The following COL26A1 variants were observed in gnomAD, a reference collection of about 807,000 sequenced individuals.
COL26A1 encodes collagen alpha-1(XXVI) chain.
Under a neutral mutation model 59.3 loss-of-function variants are expected in COL26A1, and 41 were observed. The ratio of observed to expected loss-of-function variants is 0.69; its 90% CI spans 0.54 to 0.90. The LOEUF (loss-of-function observed/expected upper bound fraction) is 0.90. Among genes scored for constraint, COL26A1 ranks in the 40% least tolerant of loss-of-function variants. The probability of loss-of-function intolerance (pLI) is 0.00; values close to 1 mark genes in which losing one functional copy is unlikely to be tolerated. For missense variants in COL26A1, 612 were observed against 602.3 expected (o/e 1.02, Z -0.17); for synonymous variants, 266 against 256.0 (o/e 1.04, Z -0.37).
chr7:101,519,607 CT>C (rs1326049855), intron 3 of COL26A1, among the ~76,000 whole-genome samples: 1 of 152,182 alleles, frequency 6.6e-6, no homozygotes, highest in East Asian at 1.9e-4. Context: ...CTGGGGGACA[CT>C]GAACAGGGAG....
At chr7:101,402,715 CTCTT>C (rs1219337555) in intron 1 of COL26A1, among the ~76,000 whole-genome samples, 1 of 109,186 alleles carries the variant, frequency 9.2e-6, no homozygotes, top group African/African-American at 3.8e-5. Flanking sequence ...ATTTCTTTCT[CTCTT>C]TCTCTCCTTC....
intron 1 of COL26A1, among the ~76,000 whole-genome samples, chr7:101,387,630 G>GCTCTCTCTCTCGCTCT (rs1791609152): frequency 7.6e-6 from 1 of 132,424 alleles, no homozygotes; most frequent in African/African-American, 2.8e-5. Context: ...TCTCTCTCTC[G>GCTCTCTCTCTCGCTCT]CTCTCTCTCT....
At chr7:101,387,778 A>ATATATTTTTTTTTTTTTTTTTT (rs773025730) in intron 1 of COL26A1, among the ~76,000 whole-genome samples, 1 of 84,836 alleles carries the variant, frequency 1.2e-5, no homozygotes, top group African/African-American at 5.0e-5. Context: ...ATATATATAT[A>ATATATTTTTTTTTTTTTTTTTT]TTTTTTTTTA....
chr7:101,372,530 G>A (rs1014828376), intron 1 of COL26A1, among the ~76,000 whole-genome samples: 16 of 152,184 alleles, frequency 1.1e-4, no homozygotes, highest in African/African-American at 3.9e-4. Context: ...AGTGGATAGA[G>A]ACTAAATGTT....
At chr7:101,440,346 A>T (rs1793025775) in intron 2 of COL26A1, among the ~76,000 whole-genome samples, 1 of 152,154 alleles carries the variant, frequency 6.6e-6, no homozygotes, top group South Asian at 2.1e-4. Context: ...AGCCGGGGCA[A>T]CAGAGCGAGA....
intron 3 of COL26A1, among the ~76,000 whole-genome samples, chr7:101,454,264 C>CTT (rs1366865509): frequency 7.9e-6 from 1 of 126,868 alleles, no homozygotes; most frequent in Non-Finnish European, 1.7e-5. Flanking sequence ...CTTTTCTTTT[C>CTT]TTTCTTTTTT....
intron 4 of COL26A1, among the ~76,000 whole-genome samples, chr7:101,538,983 C>T (rs879889529): frequency 6.6e-6 from 1 of 152,238 alleles, no homozygotes; most frequent in East Asian, 1.9e-4. Flanking sequence ...TGGCACACAG[C>T]GCCCCCTGCT....
intron 1 of COL26A1, among the ~76,000 whole-genome samples, chr7:101,390,155 T>TG (rs1791692747): frequency 4.4e-5 from 5 of 113,236 alleles, no homozygotes; most frequent in African/African-American, 1.8e-4. Flanking sequence ...AGGGTTTTTT[T>TG]TTTTTTTTTT....
intron 1 of COL26A1, among the ~76,000 whole-genome samples, chr7:101,363,991 C>T (rs1790978418): frequency 1.3e-5 from 2 of 152,180 alleles, no homozygotes; most frequent in Non-Finnish European, 2.9e-5. Context: ...GACTCCCCAG[C>T]CACCCCGGGA....
At chr7:101,446,018 A>G (rs936962443) in intron 2 of COL26A1, among the ~76,000 whole-genome samples, 3 of 136,750 alleles carry the variant, frequency 2.2e-5, no homozygotes, top group Admixed American at 8.0e-5. Flanking sequence ...ACTGAATTCC[A>G]GCCTGATGAC....
rs553159650 is a variant in COL26A1 at position 101,557,607 on chromosome 7, G to C, written c.*77G>C. 202 of 1,434,796 alleles carry C rather than the reference G, an allele frequency of 1.4e-4. 1 individual carries two copies. The African/African-American group carries it at 2.6e-3, about 18-fold the overall frequency. 88.9% of individuals were successfully genotyped at this position (1,434,796 alleles called of 1,614,324 possible). A position where few individuals can be genotyped will look rare whatever the true frequency, so the allele number is the denominator to read the frequency against. On this transcript the variant is annotated 3_prime_UTR_variant, in exon 13 of 13. Coordinates refer to ENST00000313669, the MANE Select transcript of COL26A1 (RefSeq NM_001278563.3). ...GCCTGAGCCGCCGCTGTTTCCTAAAGATGCCCCCAGGGGAACTGGGCTCCA... is the reference window on the plus strand; with the variant it reads ...GCCTGAGCCGCCGCTGTTTCCTAAACATGCCCCCAGGGGAACTGGGCTCCA...
At chr7:101,511,981 A>C (rs1377428307) in intron 3 of COL26A1, among the ~76,000 whole-genome samples, 2 of 152,168 alleles carry the variant, frequency 1.3e-5, no homozygotes, top group African/African-American at 4.8e-5. Flanking sequence ...TGGGCAACAG[A>C]GTGAGACCCT....
At chr7:101,424,564 C>T (rs1792599697) in intron 2 of COL26A1, among the ~76,000 whole-genome samples, 1 of 152,170 alleles carries the variant, frequency 6.6e-6, no homozygotes. Flanking sequence ...TGTTGCTGTA[C>T]TCCAGCCTGG....
At chr7:101,385,586 G>A (rs925371583) in intron 1 of COL26A1, among the ~76,000 whole-genome samples, 1 of 151,940 alleles carries the variant, frequency 6.6e-6, no homozygotes, top group Non-Finnish European at 1.5e-5. Context: ...GGCCAGGCTG[G>A]TCTCGAACTC....
intron 1 of COL26A1, among the ~76,000 whole-genome samples, chr7:101,394,869 CTTTTTTTTTT>C (rs61005447): frequency 1.9e-4 from 18 of 97,042 alleles, no homozygotes; most frequent in African/African-American, 3.4e-4. Context: ...TTTTTCTTTT[CTTTTTTTTTT>C]TTTTTTTTTT....
intron 1 of COL26A1, among the ~76,000 whole-genome samples, chr7:101,407,145 C>G (rs1445173943): frequency 6.6e-6 from 1 of 151,908 alleles, no homozygotes; most frequent in African/African-American, 2.4e-5. Context: ...CACTTGTGGG[C>G]AGCTCTTCCT....
chr7:101,424,180 G>A (rs1017532757), intron 2 of COL26A1, among the ~76,000 whole-genome samples: 1 of 152,302 alleles, frequency 6.6e-6, no homozygotes, highest in East Asian at 1.9e-4. Context: ...CAGCCTGGGC[G>A]ACAGAGCGAG....
intron 1 of COL26A1, among the ~76,000 whole-genome samples, chr7:101,400,974 T>G (rs925996658): frequency 3.3e-5 from 5 of 152,134 alleles, no homozygotes; most frequent in Non-Finnish European, 5.9e-5. Context: ...GGGCCTGTGG[T>G]CTCTCTGCAG....
chr7:101,505,311 T>C (rs879710070), intron 3 of COL26A1, among the ~76,000 whole-genome samples: 4 of 152,028 alleles, frequency 2.6e-5, no homozygotes, highest in Non-Finnish European at 4.4e-5. Flanking sequence ...TGCATGAGTG[T>C]GATGGGTGTG....
Sources: allele counts gnomAD v4.1 joint callset (sites outside exome capture counted in the v4.1 genomes callset), GRCh38; gene constraint gnomAD v4.1.1; transcripts MANE v1.5; gene names NCBI Gene and HGNC (gene_info 2026-07-23, HGNC 2026-07-21).